CAMK2D: variants seen among roughly 807,000 people sequenced by gnomAD.
CAMK2D encodes the protein calcium/calmodulin-dependent protein kinase type II subunit delta.
CAMK2D carries 37 observed loss-of-function variants against 84.0 expected under a neutral mutation model. That is an observed-to-expected ratio of 0.44 (90% CI 0.34 to 0.58). The LOEUF (loss-of-function observed/expected upper bound fraction) is 0.58. CAMK2D is among the 20% of genes least tolerant of loss of function. The probability of loss-of-function intolerance (pLI) is 0.02; values close to 1 mark genes in which losing one functional copy is unlikely to be tolerated. For synonymous variants in CAMK2D, 202 were observed against 212.5 expected (o/e 0.95, Z 0.43); for missense variants, 448 against 652.5 (o/e 0.69, Z 3.41).
At chr4:113,557,780 C>T (rs1014880310) in intron 4 of CAMK2D, among the ~76,000 whole-genome samples, 1 of 152,074 alleles carries the variant, frequency 6.6e-6, no homozygotes, top group African/African-American at 2.4e-5. Flanking sequence ...CCCAAAATTC[C>T]CCTGGGCACA....
At chr4:113,565,262 C>A (rs1477701821) in intron 4 of CAMK2D, among the ~76,000 whole-genome samples, 1 of 152,062 alleles carries the variant, frequency 6.6e-6, no homozygotes, top group African/African-American at 2.4e-5. Flanking sequence ...ATAAATTTAC[C>A]CATTACAACA....
chr4:113,513,732 A>C (rs1255394334), intron 11 of CAMK2D, 98 bp downstream of exon 11: 16 of 649,228 alleles, frequency 2.5e-5, no homozygotes, highest in Non-Finnish European at 3.3e-5. Context: ...TGAGGTCTAC[A>C]TAATTGAAAG....
chr4:113,475,940 C>T (rs777554286), intron 16 of CAMK2D, among the ~76,000 whole-genome samples: 8 of 152,174 alleles, frequency 5.3e-5, no homozygotes, highest in Non-Finnish European at 1.0e-4. Flanking sequence ...ATTTACAAAA[C>T]ATATGGGAAA....
intron 17 of CAMK2D, among the ~76,000 whole-genome samples, chr4:113,462,077 C>T (rs2097383191): frequency 6.6e-6 from 1 of 152,106 alleles, no homozygotes; most frequent in South Asian, 2.1e-4. Context: ...GGAAGAACAG[C>T]GTTCCTATGG....
intron 4 of CAMK2D, among the ~76,000 whole-genome samples, chr4:113,592,885 C>G (rs1270729946): frequency 6.7e-6 from 1 of 148,528 alleles, no homozygotes; most frequent in Non-Finnish European, 1.5e-5. Flanking sequence ...GACAGAGTCT[C>G]TTGCTCTACC....
chr4:113,616,198 A>G (rs2099020339), intron 3 of CAMK2D, among the ~76,000 whole-genome samples: 1 of 152,174 alleles, frequency 6.6e-6, no homozygotes, highest in Admixed American at 6.5e-5. Flanking sequence ...AACTTTTTAA[A>G]ATAATCAAAT....
At chr4:113,501,643 C>A (rs930626772) in intron 15 of CAMK2D, among the ~76,000 whole-genome samples, 4 of 152,072 alleles carry the variant, frequency 2.6e-5, no homozygotes, top group Non-Finnish European at 5.9e-5. Flanking sequence ...AAGGAATCTT[C>A]ATGCATTTCT....
At chr4:113,462,494 ACAT>A (rs1465473754) in intron 17 of CAMK2D, among the ~76,000 whole-genome samples, 1 of 152,140 alleles carries the variant, frequency 6.6e-6, no homozygotes, top group Non-Finnish European at 1.5e-5. Context: ...ATCCACCAGT[ACAT>A]TCTACCATCC....
chr4:113,758,620 A>C (rs892156743), intron 2 of CAMK2D, among the ~76,000 whole-genome samples: 4 of 152,308 alleles, frequency 2.6e-5, no homozygotes, highest in African/African-American at 9.6e-5. Context: ...GTACTTTTGC[A>C]TGAGTTCTAC....
At chr4:113,737,712 T>G (rs2099584433) in intron 2 of CAMK2D, among the ~76,000 whole-genome samples, 1 of 152,204 alleles carries the variant, frequency 6.6e-6, no homozygotes, top group Admixed American at 6.5e-5. Flanking sequence ...TCCTTTATAT[T>G]TTTGTTAAGG....
At chr4:113,703,650 ACTT>A (rs1397025061) in intron 2 of CAMK2D, among the ~76,000 whole-genome samples, 3 of 152,152 alleles carry the variant, frequency 2.0e-5, no homozygotes, top group Admixed American at 6.5e-5. Flanking sequence ...ACCTATAAGA[ACTT>A]CTTCAATGCA....
chr4:113,665,400 T>C (rs1158515275), intron 2 of CAMK2D, among the ~76,000 whole-genome samples: 6 of 152,208 alleles, frequency 3.9e-5, no homozygotes, highest in African/African-American at 9.6e-5. Flanking sequence ...AGTGATTAAA[T>C]ACCTACTACA....
intron 8 of CAMK2D, among the ~76,000 whole-genome samples, chr4:113,521,759 G>A (rs1406121508): frequency 4.0e-5 from 6 of 150,378 alleles, no homozygotes; most frequent in Non-Finnish European, 7.4e-5. Context: ...CATATTTAGA[G>A]TCCTTTTCTT....
At chr4:113,726,903 T>C (rs757662880) in intron 2 of CAMK2D, among the ~76,000 whole-genome samples, 1 of 152,196 alleles carries the variant, frequency 6.6e-6, no homozygotes, top group Non-Finnish European at 1.5e-5. Flanking sequence ...TAACCGCTCC[T>C]CTTAATATAA....
At chr4:113,490,523 C>T (rs1202829996) in intron 16 of CAMK2D, among the ~76,000 whole-genome samples, 1 of 114,474 alleles carries the variant, frequency 8.7e-6, no homozygotes, top group African/African-American at 4.3e-5. Context: ...GGTACCAGTA[C>T]CACGCTGTTT....
At chr4:113,470,183 C>T (rs1446054935) in intron 16 of CAMK2D, among the ~76,000 whole-genome samples, 1 of 152,130 alleles carries the variant, frequency 6.6e-6, no homozygotes, top group Non-Finnish European at 1.5e-5. Flanking sequence ...TTGACTTTAT[C>T]TTCTCCAATC....
intron 2 of CAMK2D, among the ~76,000 whole-genome samples, chr4:113,708,983 A>T (rs1270182858): frequency 6.6e-6 from 1 of 152,084 alleles, no homozygotes; most frequent in Non-Finnish European, 1.5e-5. Flanking sequence ...TGGCCTCCCA[A>T]AGTGCTGGGA....
intron 4 of CAMK2D, among the ~76,000 whole-genome samples, chr4:113,565,587 G>A (rs2154215626): frequency 6.6e-6 from 1 of 150,896 alleles, no homozygotes; most frequent in East Asian, 2.0e-4. Flanking sequence ...GGAGGCAGAG[G>A]TTGCAGTGAG....
chr4:113,720,900 C>T (rs552153875), intron 2 of CAMK2D, among the ~76,000 whole-genome samples: 176 of 152,086 alleles, frequency 1.2e-3, no homozygotes, highest in African/African-American at 3.8e-3. Context: ...ATTGAATATG[C>T]CCATTATTAC....
Sources: gnomAD v4.1 joint callset for allele counts (sites outside exome capture counted in the v4.1 genomes callset) on GRCh38, gnomAD v4.1.1 for gene constraint, MANE v1.5 for transcripts, NCBI Gene and HGNC (gene_info 2026-07-23, HGNC 2026-07-21) for gene names.